Variants in ASIC2 observed in about 807,000 individuals in gnomAD.
ASIC2 encodes the protein acid sensing ion channel subunit 2.
A neutral mutation model predicts 57.3 loss-of-function variants in ASIC2; 25 were observed. The ratio of observed to expected loss-of-function variants is 0.44; its 90% CI spans 0.32 to 0.61. The LOEUF is 0.61. ASIC2 is among the 20% of genes least tolerant of loss of function. ASIC2 has a pLI of 0.06. For missense variants in ASIC2, 641 were observed against 738.1 expected, an observed-to-expected ratio of 0.87 and a Z score of 1.52; for synonymous variants, 319 against 307.5, an observed-to-expected ratio of 1.04 and a Z score of -0.39.
intron 1 of ASIC2, among the ~76,000 whole-genome samples, chr17:33,996,286 T>A (rs977793952): frequency 5.9e-5 from 9 of 152,208 alleles, no homozygotes; most frequent in African/African-American, 2.2e-4. Context: ...AAATATTTTA[T>A]CCCATTCTGT....
At chr17:33,929,019 AC>A (rs1479867690) in intron 1 of ASIC2, among the ~76,000 whole-genome samples, 2 of 151,660 alleles carry the variant, frequency 1.3e-5, no homozygotes, top group Admixed American at 6.6e-5. Flanking sequence ...TGACCCACCC[AC>A]TCGCATGCTT....
At chr17:33,689,311 TC>T (rs987931734) in intron 1 of ASIC2, 1 of 152,232 alleles carries the variant, frequency 6.6e-6, no homozygotes, top group African/African-American at 2.4e-5. Flanking sequence ...GCTCAAGTGA[TC>T]CTCCCACCTC....
intron 1 of ASIC2, among the ~76,000 whole-genome samples, chr17:33,409,621 C>T (rs1449100489): frequency 6.6e-6 from 1 of 152,162 alleles, no homozygotes; most frequent in Non-Finnish European, 1.5e-5. Context: ...CAAATAGAAT[C>T]GTGGTTAGGA....
chr17:33,586,458 A>G (rs894960722), intron 1 of ASIC2, among the ~76,000 whole-genome samples: 8 of 152,108 alleles, frequency 5.3e-5, no homozygotes, highest in African/African-American at 1.7e-4. Context: ...AATCATCACT[A>G]TGCCACTTCC....
chr17:33,605,850 G>A (rs748341191), intron 1 of ASIC2, among the ~76,000 whole-genome samples: 4 of 152,048 alleles, frequency 2.6e-5, no homozygotes, highest in African/African-American at 4.8e-5. Context: ...TCATCCCCCT[G>A]TCTTAGACAT....
At chr17:33,833,418 T>C (rs1412829883) in intron 1 of ASIC2, among the ~76,000 whole-genome samples, 1 of 152,128 alleles carries the variant, frequency 6.6e-6, no homozygotes, top group Non-Finnish European at 1.5e-5. Context: ...AATATCCAAA[T>C]AGGCTATCTG....
intron 1 of ASIC2, chr17:33,935,665 C>T (rs1031177570): frequency 6.6e-6 from 1 of 152,170 alleles, no homozygotes; most frequent in Admixed American, 6.5e-5. Flanking sequence ...GATGAGGAAA[C>T]TACAGCTCAG....
chr17:33,807,505 A>T (rs1375850982), intron 1 of ASIC2, among the ~76,000 whole-genome samples: 2 of 152,190 alleles, frequency 1.3e-5, no homozygotes, highest in Non-Finnish European at 2.9e-5. Flanking sequence ...AAACACCTGG[A>T]GAAAGTGCAG....
intron 5 of ASIC2, 113 bp from the exon 6 acceptor site, chr17:33,024,127 TGGGGAAAGTGA>T (rs1422367130): frequency 4.3e-6 from 6 of 1,400,548 alleles, no homozygotes; most frequent in Middle Eastern, 2.4e-4. Flanking sequence ...GGCACTGGTC[TGGGGAAAGTGA>T]GGGGCAGGGA....
intron 1 of ASIC2, chr17:34,120,113 G>C (rs1030949532): frequency 6.6e-6 from 1 of 152,132 alleles, no homozygotes; most frequent in Admixed American, 6.5e-5. Context: ...ATTTGCCCCT[G>C]CTTTGCCTCC....
chr17:33,983,465 C>T (rs543755674), intron 1 of ASIC2, among the ~76,000 whole-genome samples: 12 of 152,252 alleles, frequency 7.9e-5, no homozygotes, highest in African/African-American at 2.4e-4. Context: ...GACCCAGTTT[C>T]GATGACGTTT....
intron 1 of ASIC2, among the ~76,000 whole-genome samples, chr17:33,376,509 G>A (rs1218061591): frequency 6.6e-6 from 1 of 152,114 alleles, no homozygotes; most frequent in African/African-American, 2.4e-5. Flanking sequence ...AACTTATTGA[G>A]AACTAATTCT....
intron 1 of ASIC2, among the ~76,000 whole-genome samples, chr17:33,831,352 C>T (rs1323789302): frequency 2.0e-5 from 3 of 151,888 alleles, no homozygotes; most frequent in Non-Finnish European, 4.4e-5. Context: ...TGATCCCTCC[C>T]GGATCTCTTG....
At chr17:33,306,312 C>G (rs1175147065) in intron 1 of ASIC2, among the ~76,000 whole-genome samples, 2 of 152,154 alleles carry the variant, frequency 1.3e-5, no homozygotes, top group Non-Finnish European at 2.9e-5. Context: ...CTATTAGCTT[C>G]CTGAATGCAA....
chr17:33,934,430 A>C (rs1442930669), intron 1 of ASIC2, among the ~76,000 whole-genome samples: 1 of 152,198 alleles, frequency 6.6e-6, no homozygotes, highest in African/African-American at 2.4e-5. Flanking sequence ...AATGAAGAAG[A>C]TATAGCCCCT....
intron 3 of ASIC2, among the ~76,000 whole-genome samples, chr17:33,043,717 A>C (rs1326425811): frequency 6.6e-6 from 1 of 152,200 alleles, no homozygotes; most frequent in Non-Finnish European, 1.5e-5. Context: ...GCTCAGCATG[A>C]CTTCCCCACA....
At chr17:33,692,032 A>G (rs75664333) in intron 1 of ASIC2, among the ~76,000 whole-genome samples, 173 of 152,296 alleles carry the variant, frequency 1.1e-3, no homozygotes, top group African/African-American at 4.1e-3. Context: ...CCAGCATGTT[A>G]CTGTACTGTA....
chr17:33,637,062 C>T (rs1490597550), intron 1 of ASIC2, among the ~76,000 whole-genome samples: 1 of 152,066 alleles, frequency 6.6e-6, no homozygotes. Flanking sequence ...TCTTTCTCTT[C>T]CACTATTGTC....
intron 1 of ASIC2, among the ~76,000 whole-genome samples, chr17:33,450,717 C>T (rs926403655): frequency 2.0e-5 from 3 of 152,160 alleles, no homozygotes; most frequent in African/African-American, 7.2e-5. Flanking sequence ...AAAGAGACTG[C>T]CTCCATGACT....
Sources: gnomAD v4.1 joint callset for allele counts (sites outside exome capture counted in the v4.1 genomes callset) on GRCh38, gnomAD v4.1.1 for gene constraint, MANE v1.5 for transcripts, NCBI Gene and HGNC (gene_info 2026-07-23, HGNC 2026-07-21) for gene names.